Variants in PDE10A observed in about 807,000 individuals in gnomAD.
PDE10A encodes the protein phosphodiesterase 10A, also known as cAMP and cAMP-inhibited cGMP 3',5'-cyclic phosphodiesterase 10A.
In PDE10A, 39 loss-of-function variants were observed where a neutral mutation model predicts 97.7. The observed-to-expected ratio is 0.40, with a 90% CI of 0.31 to 0.52. The LOEUF is 0.52. Ranked by LOEUF, PDE10A falls within the 20% of genes least tolerant of loss-of-function variation. The pLI is 0.56. For synonymous variants in PDE10A, 371 were observed against 376.8 expected, an observed-to-expected ratio of 0.98 and a Z score of 0.18; for missense variants, 731 against 1,047.8, an observed-to-expected ratio of 0.70 and a Z score of 4.17.
At chr6:165,412,809 A>G (rs1293731789) in intron 13 of PDE10A, among the ~76,000 whole-genome samples, 1 of 152,162 alleles carries the variant, frequency 6.6e-6, no homozygotes, top group Non-Finnish European at 1.5e-5. Context: ...AGCTCTATGA[A>G]AAGATCACCA....
At chr6:165,793,445 A>G (rs1379236200) in intron 1 of PDE10A, among the ~76,000 whole-genome samples, 2 of 151,808 alleles carry the variant, frequency 1.3e-5, no homozygotes, top group South Asian at 4.2e-4. Flanking sequence ...ACAGTGGGAG[A>G]GCCTGCGAGT....
At chr6:165,752,011 C>T (rs4709979) in intron 1 of PDE10A, among the ~76,000 whole-genome samples, 25,269 of 151,194 alleles carry the variant, frequency 0.17, 2,392 homozygotes, top group East Asian at 0.36. Flanking sequence ...GGCATGGTGA[C>T]GGGCACCTAT....
chr6:165,344,917 C>CA (rs1467097071), intron 18 of PDE10A, among the ~76,000 whole-genome samples: 1 of 152,170 alleles, frequency 6.6e-6, no homozygotes, highest in Non-Finnish European at 1.5e-5. Context: ...AAATCCCTTA[C>CA]AAGTGGTCAG....
At chr6:165,576,067 T>C (rs1264986821) in intron 1 of PDE10A, among the ~76,000 whole-genome samples, 1 of 136,996 alleles carries the variant, frequency 7.3e-6, no homozygotes, top group Non-Finnish European at 1.6e-5. Context: ...TAGCCAATAA[T>C]AAATTTGCCT....
intron 1 of PDE10A, among the ~76,000 whole-genome samples, chr6:165,736,417 A>T (rs564574681): frequency 6.6e-6 from 1 of 152,244 alleles, no homozygotes. Flanking sequence ...ATGTCTCCCA[A>T]GCTCAGTGTC....
intron 1 of PDE10A, among the ~76,000 whole-genome samples, chr6:165,770,153 T>C (rs1054888197): frequency 5.6e-5 from 5 of 88,592 alleles, no homozygotes; most frequent in African/African-American, 2.4e-4. Context: ...GTAAATCTAA[T>C]GCAAAAGGGC....
rs1583706652 is a variant in PDE10A, at chr6:165,646,096, G to C, written c.865+15851C>G. 1.3e-5 allele frequency among the ~76,000 whole-genome samples: 2 copies of C among 152,268 alleles called. 1 individual carries two copies. The highest frequency in any genetic ancestry group is 4.2e-4 in the South Asian group (2 of 4,816). The stretch of plus-strand genomic sequence containing the variant: ...ATGGGCCAGCCTGGCACAGACCAGG[G>C]AACAGTTCCACGGCAGCATCAGGAA... On this transcript the variant is annotated intron_variant, in intron 1 of 21. Transcript: ENST00000539869.
intron 18 of PDE10A, among the ~76,000 whole-genome samples, chr6:165,361,751 G>A (rs1783442165): frequency 6.6e-6 from 1 of 152,180 alleles, no homozygotes; most frequent in Non-Finnish European, 1.5e-5. Context: ...GCCAGTATCT[G>A]TTAAAAAGTA....
chr6:165,510,548 A>T (rs1284307600), intron 2 of PDE10A, among the ~76,000 whole-genome samples: 1 of 152,050 alleles, frequency 6.6e-6, no homozygotes, highest in Non-Finnish European at 1.5e-5. Context: ...CTGGCCTTGT[A>T]GAATGAGTTG....
chr6:165,939,974 A>G lies in PDE10A; in HGVS notation c.-615+47555T>C, dbSNP rs1783455618. On this transcript the variant is annotated intron_variant, in intron 1 of 19. Coordinates refer to the PDE10A transcript ENST00000366882. Reference sequence around the variant, plus strand: ...ACTTTGATTTCTCCAGTTACCACCCACCCCAAGTTCTTGGGCAGCAGAAGA... The same window carrying G: ...ACTTTGATTTCTCCAGTTACCACCCGCCCCAAGTTCTTGGGCAGCAGAAGA... 2.0e-5 allele frequency: 3 copies of G among 152,102 alleles called. No individual in the cohort carries two copies. In the South Asian group the frequency reaches 6.2e-4, roughly 32 times the overall value. 9.4% of individuals were successfully genotyped at this position (152,102 alleles called of 1,614,324 possible). A position where few individuals can be genotyped will look rare whatever the true frequency, so the allele number is the denominator to read the frequency against.
At chr6:165,551,992 G>A (rs1784041777) in intron 1 of PDE10A, among the ~76,000 whole-genome samples, 1 of 151,852 alleles carries the variant, frequency 6.6e-6, no homozygotes, top group African/African-American at 2.4e-5. Flanking sequence ...CCTCATCCAT[G>A]GTCTTCGCTG....
chr6:165,883,856 A>T (rs1253908319), intron 1 of PDE10A, among the ~76,000 whole-genome samples: 1 of 152,186 alleles, frequency 6.6e-6, no homozygotes, highest in Non-Finnish European at 1.5e-5. Context: ...CCTAAATGAC[A>T]GGCCACACCC....
At chr6:165,623,305 A>T (rs1203585641) in intron 1 of PDE10A, among the ~76,000 whole-genome samples, 10 of 152,072 alleles carry the variant, frequency 6.6e-5, no homozygotes, top group Admixed American at 6.6e-4. Flanking sequence ...TTTAGTAGAG[A>T]CAGGGTTTCG....
rs12197437 is a variant in PDE10A at position 165,929,985 on chromosome 6, C to T, written c.-615+57544G>A. Among the ~76,000 whole-genome samples, 175 of 146,702 alleles carry T rather than the reference C, an allele frequency of 1.2e-3. 3 individuals are homozygous for T. The highest frequency in any genetic ancestry group is 4.2e-3 in the African/African-American group (163 of 39,230). ...GGCAACATCACTCCAGGCGTGAAGGCGGCAGGTGGGAAGAGAGTGCTCCCT... is the reference window on the plus strand; with the variant it reads ...GGCAACATCACTCCAGGCGTGAAGGTGGCAGGTGGGAAGAGAGTGCTCCCT... On this transcript the variant is annotated intron_variant, in intron 1 of 19. Transcript: ENST00000366882.
chr6:165,535,750 C>T (rs1783047810), intron 2 of PDE10A, among the ~76,000 whole-genome samples: 1 of 151,392 alleles, frequency 6.6e-6, no homozygotes, highest in Admixed American at 6.6e-5. Context: ...GATTTATTTT[C>T]CTAGGAATAA....
intron 1 of PDE10A, among the ~76,000 whole-genome samples, chr6:165,826,299 CGT>C (rs1215658590): frequency 2.1e-5 from 2 of 94,120 alleles, no homozygotes; most frequent in Non-Finnish European, 4.1e-5. Flanking sequence ...TCCCCATGTC[CGT>C]CTTCATGTCC....
intron 1 of PDE10A, among the ~76,000 whole-genome samples, chr6:165,566,889 T>C (rs988372381): frequency 6.6e-6 from 1 of 152,220 alleles, no homozygotes; most frequent in Non-Finnish European, 1.5e-5. Context: ...TGAAAAATTG[T>C]TTGGCAGGAA....
intron 3 of PDE10A, among the ~76,000 whole-genome samples, chr6:165,463,298 T>C (rs970878548): frequency 1.3e-5 from 2 of 152,206 alleles, no homozygotes; most frequent in Non-Finnish European, 2.9e-5. Context: ...GTGGAAACTA[T>C]TAATAGCTCT....
At chr6:165,680,798 C>A (rs976784743) in intron 1 of PDE10A, among the ~76,000 whole-genome samples, 1 of 152,108 alleles carries the variant, frequency 6.6e-6, no homozygotes, top group East Asian at 1.9e-4. Flanking sequence ...CAGCTACTAT[C>A]GCTCGAACCC....
Sources: gnomAD v4.1 joint callset for allele counts (sites outside exome capture counted in the v4.1 genomes callset) on GRCh38, gnomAD v4.1.1 for gene constraint, MANE v1.5 for transcripts, NCBI Gene and HGNC (gene_info 2026-07-23, HGNC 2026-07-21) for gene names.